Variants in RYR2 observed in about 807,000 individuals in gnomAD.
RYR2 encodes cardiac muscle ryanodine receptor-calcium release channel.
RYR2 carries 227 observed loss-of-function variants against 601.1 expected under a neutral mutation model. That is an observed-to-expected ratio of 0.38 (90% confidence interval 0.34 to 0.42). RYR2 has a LOEUF of 0.42. Ranked by LOEUF, RYR2 falls within the 10% of genes least tolerant of loss-of-function variation. The pLI, the probability that RYR2 is intolerant of heterozygous loss-of-function variation, is 1.00. For synonymous variants in RYR2, 2,223 were observed against 2,175.1 expected, an observed-to-expected ratio of 1.02 and a Z score of -0.61; for missense variants, 4,646 against 6,156.5, an observed-to-expected ratio of 0.75 and a Z score of 8.21.
chr1:237,319,129 AG>A (rs1426469915), intron 2 of RYR2, among the ~76,000 whole-genome samples: 9 of 152,170 alleles, frequency 5.9e-5, no homozygotes, highest in African/African-American at 2.2e-4. Flanking sequence ...ATTCAAATAC[AG>A]ATTTTCCATT....
intron 48 of RYR2, among the ~76,000 whole-genome samples, chr1:237,647,765 C>A (rs901016379): frequency 1.3e-5 from 2 of 152,150 alleles, no homozygotes; most frequent in African/African-American, 4.8e-5. Context: ...TAAATAAATT[C>A]TTCAGTATTT....
In RYR2 at chr1:237,666,560, A is replaced by C; in HGVS notation, c.8485A>C (p.Ser2829Arg). The stretch of plus-strand genomic sequence containing the variant: ...TTACAGTCCCCGGGCCATTGACATG[A>C]GCAATGTTACACTATCTAGAGACCT... ...HGYSPRAIDM[S>R]NVTLSRDLHA... Residue 2829 changes from serine (S) to arginine (R), a missense_variant, in exon 57 of 105, where the codon AGC (serine) becomes CGC (arginine). This residue lies in a region of RYR2 where 1,497 missense variants were observed against 1,842.6 expected (regional missense o/e 0.81). Coordinates refer to ENST00000366574, the MANE Select transcript of RYR2 (RefSeq NM_001035.3). The C allele has an allele frequency of 1.9e-6, 3 of 1,612,850 alleles. No individual in the cohort carries two copies. Among genetic ancestry groups the C allele is most frequent in the Non-Finnish European group, 2.5e-6 (3 of 1,179,406 alleles).
intron 13 of RYR2, among the ~76,000 whole-genome samples, chr1:237,445,146 A>C (rs1708217630): frequency 6.6e-6 from 1 of 152,146 alleles, no homozygotes; most frequent in Non-Finnish European, 1.5e-5. Context: ...CCAGGAGTTC[A>C]AGACCAGCCT....
At chr1:237,126,384 T>C (rs1671420794) in intron 1 of RYR2, among the ~76,000 whole-genome samples, 1 of 152,190 alleles carries the variant, frequency 6.6e-6, no homozygotes, top group African/African-American at 2.4e-5. Flanking sequence ...TACCGTCTAC[T>C]GGGGCTGCCC....
chr1:237,570,248 T>C (rs987462815), intron 29 of RYR2, among the ~76,000 whole-genome samples: 1 of 148,700 alleles, frequency 6.7e-6, no homozygotes, highest in Non-Finnish European at 1.5e-5. Flanking sequence ...AAGGTGTTGG[T>C]GAAGCAAGGA....
At chr1:237,669,736 C>T (rs1466679021) in intron 58 of RYR2, among the ~76,000 whole-genome samples, 6 of 150,604 alleles carry the variant, frequency 4.0e-5, no homozygotes, top group East Asian at 2.0e-4. Flanking sequence ...GTGATGGCGG[C>T]TGGGAAGAGG....
intron 1 of RYR2, among the ~76,000 whole-genome samples, chr1:237,172,114 G>A (rs533187288): frequency 3.2e-4 from 48 of 152,174 alleles, no homozygotes; most frequent in Non-Finnish European, 5.4e-4. Flanking sequence ...TAGCACTATC[G>A]GGATGTAATT....
intron 63 of RYR2, among the ~76,000 whole-genome samples, chr1:237,688,958 A>G (rs1686695080): frequency 6.6e-6 from 1 of 152,116 alleles, no homozygotes; most frequent in South Asian, 2.1e-4. Context: ...CCATACCTGA[A>G]CTACAAAATC....
intron 1 of RYR2, among the ~76,000 whole-genome samples, chr1:237,234,777 A>G (rs1450936275): frequency 6.6e-6 from 1 of 152,180 alleles, no homozygotes; most frequent in Non-Finnish European, 1.5e-5. Flanking sequence ...TTGTTCTTTC[A>G]TTTAGCAACA....
intron 1 of RYR2, among the ~76,000 whole-genome samples, chr1:237,229,259 G>A (rs764762518): frequency 5.3e-5 from 8 of 152,230 alleles, no homozygotes; most frequent in Non-Finnish European, 1.0e-4. Context: ...GTATTCTACA[G>A]GAGAAATGTA....
intron 27 of RYR2, among the ~76,000 whole-genome samples, chr1:237,558,426 T>C (rs1671122514): frequency 6.6e-6 from 1 of 152,220 alleles, no homozygotes; most frequent in Non-Finnish European, 1.5e-5. Context: ...TACTCAGATA[T>C]ATCATCCCGC....
intron 10 of RYR2, among the ~76,000 whole-genome samples, chr1:237,414,936 C>T (rs547559053): frequency 3.3e-5 from 5 of 152,046 alleles, no homozygotes; most frequent in Admixed American, 3.3e-4. Flanking sequence ...TTACCTATGT[C>T]AGTGGCTCTA....
At chr1:237,774,973 GC>G (rs1694540359) in intron 87 of RYR2, among the ~76,000 whole-genome samples, 1 of 129,780 alleles carries the variant, frequency 7.7e-6, no homozygotes, top group African/African-American at 3.3e-5. Flanking sequence ...CTTACTATAT[GC>G]AAAACTCTAG....
chr1:237,708,373 G>T (rs77222915), intron 68 of RYR2, among the ~76,000 whole-genome samples: 1 of 152,076 alleles, frequency 6.6e-6, no homozygotes, highest in African/African-American at 2.4e-5. Context: ...ATCAAGTTTA[G>T]AACTATTATT....
intron 44 of RYR2, among the ~76,000 whole-genome samples, chr1:237,637,736 G>A (rs1681025706): frequency 6.6e-6 from 1 of 152,136 alleles, no homozygotes; most frequent in Non-Finnish European, 1.5e-5. Flanking sequence ...TTGCACCAGA[G>A]GTCATTAGAC....
intron 92 of RYR2, among the ~76,000 whole-genome samples, chr1:237,790,175 C>T (rs1337718720): frequency 2.6e-5 from 4 of 152,168 alleles, no homozygotes; most frequent in Admixed American, 2.6e-4. Flanking sequence ...ACCCACTTCT[C>T]TAGGCTTTAT....
In RYR2 at chr1:237,042,518, A is replaced by T; in HGVS notation, c.-4A>T. 1 of 1,254,142 alleles carries T rather than the reference A, an allele frequency of 8.0e-7. No homozygotes were observed. 77.7% of individuals were successfully genotyped at this position (1,254,142 alleles called of 1,614,324 possible). On this transcript the variant is annotated 5_prime_UTR_variant, in exon 1 of 105. Transcript: ENST00000366574. ...AGCCGGCCCCGGCGAGGAGGCGCGGAACCATGGCCGATGGGGGCGAGGGCG... is the reference window on the plus strand; with the variant it reads ...AGCCGGCCCCGGCGAGGAGGCGCGGTACCATGGCCGATGGGGGCGAGGGCG...
At chr1:237,649,267 A>G (rs490987) in intron 49 of RYR2, among the ~76,000 whole-genome samples, 74,081 of 152,026 alleles carry the variant, frequency 0.49, 18,436 homozygotes, top group East Asian at 0.8. Context: ...TTGATTTCAA[A>G]GCACATTAGG....
chr1:237,239,462 G>T (rs1685924280), intron 1 of RYR2, among the ~76,000 whole-genome samples: 1 of 152,152 alleles, frequency 6.6e-6, no homozygotes, highest in South Asian at 2.1e-4. Context: ...GACCAGGTGT[G>T]CCATTTGCAT....
Sources: allele counts gnomAD v4.1 joint callset (sites outside exome capture counted in the v4.1 genomes callset), GRCh38; gene constraint gnomAD v4.1.1; regional missense constraint gnomAD v4.1.1; transcripts MANE v1.5; gene names NCBI Gene and HGNC (gene_info 2026-07-23, HGNC 2026-07-21).